SGSM2: variants seen among roughly 807,000 people sequenced by gnomAD.
SGSM2 encodes RUN and TBC1 domain containing 1.
In SGSM2, 89 loss-of-function variants were observed where a neutral mutation model predicts 126.6. The observed-to-expected ratio is 0.70, with a 90% CI of 0.59 to 0.84. The LOEUF (loss-of-function observed/expected upper bound fraction) is 0.84. Ranked by LOEUF, SGSM2 falls within the 40% of genes least tolerant of loss-of-function variation. The probability of loss-of-function intolerance (pLI) is 0.00; values close to 1 mark genes in which losing one functional copy is unlikely to be tolerated. For synonymous variants in SGSM2, 614 were observed against 574.3 expected (o/e 1.07, Z -0.99); for missense variants, 1,404 against 1,416.6 (o/e 0.99, Z 0.14).
intron 2 of SGSM2, among the ~76,000 whole-genome samples, chr17:2,348,772 C>G (rs182396491): frequency 6.6e-6 from 1 of 151,944 alleles, no homozygotes; most frequent in African/African-American, 2.4e-5. Context: ...TGTTTTGTTT[C>G]GTTTTGTTTG....
intron 22 of SGSM2, 92 bp from the exon 23 acceptor site, chr17:2,378,944 C>CT (rs2066301234): frequency 2.4e-5 from 35 of 1,446,766 alleles, no homozygotes; most frequent in Non-Finnish European, 3.3e-5. Context: ...CAGCCTCAGC[C>CT]CCAGCCTCAA....
At chr17:2,370,224 C>A (rs996881019) in intron 12 of SGSM2, among the ~76,000 whole-genome samples, 25 of 152,236 alleles carry the variant, frequency 1.6e-4, no homozygotes, top group Non-Finnish European at 2.8e-4. Context: ...CTCTTCTCCA[C>A]TCTCTCCCTC....
intron 19 of SGSM2, 51 bp from the exon 20 acceptor site, chr17:2,376,682 A>C: frequency 6.3e-7 from 1 of 1,589,346 alleles, no homozygotes. Context: ...AGGGATCCCG[A>C]GGGAGGGAAG....
intron 1 of SGSM2, among the ~76,000 whole-genome samples, chr17:2,342,521 A>G (rs1178982234): frequency 6.6e-6 from 1 of 152,194 alleles, no homozygotes; most frequent in Non-Finnish European, 1.5e-5. Context: ...CTAGAAGGGA[A>G]GGTGATGAGG....
chr17:2,342,862 A>G (rs1044863333), intron 1 of SGSM2, among the ~76,000 whole-genome samples: 6 of 151,380 alleles, frequency 4.0e-5, no homozygotes, highest in Non-Finnish European at 8.9e-5. Flanking sequence ...CTGTTGTCCC[A>G]GCTACTCGGG....
At chr17:2,348,544 G>A (rs900518653) in intron 2 of SGSM2, among the ~76,000 whole-genome samples, 7 of 152,252 alleles carry the variant, frequency 4.6e-5, no homozygotes, top group African/African-American at 9.6e-5. Flanking sequence ...GGGGCATTGC[G>A]GAGGGCATAT....
chr17:2,377,757 G>A, intron 21 of SGSM2, 100 bp from the exon 22 acceptor site: 1 of 751,820 alleles, frequency 1.3e-6, no homozygotes, highest in Non-Finnish European at 2.4e-6. Flanking sequence ...TGCCAGGTTG[G>A]GGATCGCCTG....
At chr17:2,353,993 C>CT (rs1209232897) in intron 2 of SGSM2, among the ~76,000 whole-genome samples, 3 of 120,272 alleles carry the variant, frequency 2.5e-5, no homozygotes, top group Non-Finnish European at 5.6e-5. Flanking sequence ...ACTGCAACCT[C>CT]CTGGGCTGGG....
Position 2,375,616 on chromosome 17 carries a change from C to T in SGSM2, c.2225C>T (p.Ser742Phe). The change falls in exon 18 of 24, where the codon TCC becomes TTC. Residue 742 changes from serine to phenylalanine, a missense_variant. Coordinates refer to ENST00000268989, the MANE Select transcript of SGSM2 (RefSeq NM_014853.3). ...ACCGCCGTGGTGGAGCAGCAGCATTCCGTGGAGTTCGACTCTCCAGACTCA... is the reference window on the plus strand; with the variant it reads ...ACCGCCGTGGTGGAGCAGCAGCATTTCGTGGAGTTCGACTCTCCAGACTCA... ...PGTAVVEQQH[S>F]VEFDSPDSGL... 6.2e-7 allele frequency: 1 copy of T among 1,614,034 alleles called. No individual in the cohort carries two copies. Among genetic ancestry groups the T allele is most frequent in the Non-Finnish European group, 8.5e-7 (1 of 1,180,032 alleles).
In SGSM2 at chr17:2,372,319, G is replaced by A. The variant is rs774975960; in HGVS notation, c.1643-24G>A. The A allele has an allele frequency of 1.2e-6, 2 of 1,602,304 alleles. No individual in the cohort carries two copies. Among genetic ancestry groups the A allele is most frequent in the Non-Finnish European group, 1.7e-6 (2 of 1,174,688 alleles). On this transcript the variant is annotated intron_variant, in intron 14 of 23. Coordinates refer to ENST00000268989, the MANE Select transcript of SGSM2 (RefSeq NM_014853.3). The surrounding 1 kb of genome is among the most constrained non-coding windows in gnomAD (Gnocchi z 6.0). ...GGGCGGCCCTGGGTCCCAGCCTCCTGCTGCCCACCGCTGCCCACCGCAGGG... is the reference window on the plus strand; with the variant it reads ...GGGCGGCCCTGGGTCCCAGCCTCCTACTGCCCACCGCTGCCCACCGCAGGG...
At chr17:2,340,958 G>C (rs76600918) in intron 1 of SGSM2, among the ~76,000 whole-genome samples, 1 of 152,176 alleles carries the variant, frequency 6.6e-6, no homozygotes, top group South Asian at 2.1e-4. Context: ...AGACCAGGCT[G>C]GCCTTTCACA....
intron 1 of SGSM2, among the ~76,000 whole-genome samples, chr17:2,340,807 A>C (rs1219426545): frequency 6.6e-6 from 1 of 151,850 alleles, no homozygotes; most frequent in Non-Finnish European, 1.5e-5. Context: ...GATGGTCTCG[A>C]TCTCCTGACC....
At position 2,363,926 on chromosome 17, in the gene SGSM2, C is replaced by A. The variant is rs1415228954; in HGVS notation, c.808-133C>A. The A allele has an allele frequency of 1.8e-6, 2 of 1,086,874 alleles. No individual in the cohort carries two copies. Among genetic ancestry groups the A allele is most frequent in the South Asian group, 1.4e-5 (1 of 69,926 alleles). The allele number at this position is 1,086,874 out of a possible 1,614,324, so 67.3% of individuals were successfully genotyped here. On this transcript the variant is annotated intron_variant, in intron 7 of 23. Transcript: ENST00000268989. This position sits in a 1 kb window ranked among gnomAD's most constrained non-coding sequence, Gnocchi z 4.2. Reference sequence around the variant, plus strand: ...GTCCTGTTTTCCTGTGCTTCTGCCCCGTCCCTAGTCCAGGACCCCGTGACT... The same window carrying A: ...GTCCTGTTTTCCTGTGCTTCTGCCCAGTCCCTAGTCCAGGACCCCGTGACT...
In SGSM2 at chr17:2,379,476, C is replaced by T. The variant is rs748436323; in HGVS notation, c.3112C>T (p.Arg1038Trp). The T allele has an allele frequency of 3.1e-6, 5 of 1,613,600 alleles. No individual in the cohort carries two copies. Among genetic ancestry groups the T allele is most frequent in the East Asian group, 2.2e-5 (1 of 44,866 alleles). Reference protein sequence around the residue: ...HDAQEILRIARDLVHKVQMLI... With the variant: ...HDAQEILRIAWDLVHKVQMLI... ...TGCCCAGGAGATCCTGCGGATTGCCCGGGACCTCGTCCACAAGGTGCAGAT... is the reference window on the plus strand; with the variant it reads ...TGCCCAGGAGATCCTGCGGATTGCCTGGGACCTCGTCCACAAGGTGCAGAT... Residue 1038 changes from arginine (R) to tryptophan (W), a missense_variant, in exon 24 of 24, where the codon CGG (arginine) becomes TGG (tryptophan). By Grantham distance (101) the Arg-to-Trp change is moderately radical. Coordinates refer to ENST00000268989, the MANE Select transcript of SGSM2 (RefSeq NM_014853.3).
At chr17:2,352,131 A>G (rs760416280) in intron 2 of SGSM2, among the ~76,000 whole-genome samples, 7 of 152,166 alleles carry the variant, frequency 4.6e-5, no homozygotes, top group Non-Finnish European at 1.0e-4. Context: ...GTTGGAGTAA[A>G]GATACTTGAT....
intron 1 of SGSM2, among the ~76,000 whole-genome samples, chr17:2,341,136 G>T (rs1360100092): frequency 1.3e-5 from 2 of 151,444 alleles, no homozygotes; most frequent in African/African-American, 4.9e-5. Flanking sequence ...TTGTTTGTTT[G>T]TTTTTTTGAG....
At chr17:2,361,549 G>A (rs2065308846) in intron 2 of SGSM2, 88 bp from the exon 3 acceptor site, 12 of 1,510,472 alleles carry the variant, frequency 7.9e-6, no homozygotes, top group Admixed American at 1.9e-5. Context: ...CTTACCCCTT[G>A]CCTCACCACA....
At position 2,373,253 on chromosome 17, in the gene SGSM2, G is replaced by A; in HGVS notation, c.1918-78G>A. 1.9e-6 allele frequency: 3 copies of A among 1,557,896 alleles called. No homozygotes were observed. The South Asian group carries it at 3.5e-5, about 18-fold the overall frequency. Reference sequence around the variant, plus strand: ...TTGAGTCTGAGACTCAGGACCCAAGGTCCAGTGCAGGCCCAGCTCCTGAAG... The same window carrying A: ...TTGAGTCTGAGACTCAGGACCCAAGATCCAGTGCAGGCCCAGCTCCTGAAG... On this transcript the variant is annotated intron_variant, in intron 16 of 23. Transcript: ENST00000268989.
intron 21 of SGSM2, chr17:2,377,400 C>T: frequency 1.7e-5 from 4 of 236,206 alleles, no homozygotes; most frequent in Non-Finnish European, 2.5e-5. Context: ...AGGAGAATCA[C>T]TTGAACCCGG....
Sources: gnomAD v4.1 joint callset for allele counts (sites outside exome capture counted in the v4.1 genomes callset) on GRCh38, gnomAD v4.1.1 for gene constraint, Gnocchi (gnomAD v3.1) non-coding constraint, MANE v1.5 for transcripts, NCBI Gene and HGNC (gene_info 2026-07-23, HGNC 2026-07-21) for gene names.